Variants in THEMIS observed in about 807,000 individuals in gnomAD.
THEMIS encodes protein THEMIS.
Under a neutral mutation model 52.6 loss-of-function variants are expected in THEMIS, and 37 were observed. The ratio of observed to expected loss-of-function variants is 0.70; its 90% CI spans 0.54 to 0.93. THEMIS has a LOEUF of 0.93. THEMIS is among the 40% of genes least tolerant of loss of function. The pLI, the probability that THEMIS is intolerant of heterozygous loss-of-function variation, is 0.00. For missense variants in THEMIS, 808 were observed against 763.1 expected (o/e 1.06, Z -0.69); for synonymous variants, 292 against 272.7 (o/e 1.07, Z -0.70).
At chr6:127,755,829 C>G (rs570766051) in intron 4 of THEMIS, among the ~76,000 whole-genome samples, 1 of 152,120 alleles carries the variant, frequency 6.6e-6, no homozygotes, top group East Asian at 1.9e-4. Flanking sequence ...GAGTTCAAGA[C>G]CAGCCTGGCC....
At chr6:127,729,812 C>A (rs1313671273) in intron 4 of THEMIS, among the ~76,000 whole-genome samples, 5 of 152,090 alleles carry the variant, frequency 3.3e-5, no homozygotes, top group Non-Finnish European at 7.3e-5. Context: ...GCTGTCACCA[C>A]TGAAAATGAA....
intron 4 of THEMIS, among the ~76,000 whole-genome samples, chr6:127,728,787 G>A (rs1774641605): frequency 6.6e-6 from 1 of 152,070 alleles, no homozygotes; most frequent in Admixed American, 6.6e-5. Flanking sequence ...TACATAGAAT[G>A]AGTTCAATGG....
At chr6:127,714,511 T>C (rs952551626) in intron 5 of THEMIS, among the ~76,000 whole-genome samples, 2 of 151,920 alleles carry the variant, frequency 1.3e-5, no homozygotes, top group Admixed American at 6.6e-5. Flanking sequence ...CCATAGGCCA[T>C]GATGGTTTCC....
intron 1 of THEMIS, among the ~76,000 whole-genome samples, chr6:127,898,414 G>A (rs1399603434): frequency 6.6e-6 from 1 of 151,590 alleles, no homozygotes; most frequent in Non-Finnish European, 1.5e-5. Flanking sequence ...AGAATCAATT[G>A]ATTTAATAAA....
At position 127,711,983 on chromosome 6, in the gene THEMIS, T is replaced by C. The variant is rs564503022; in HGVS notation, c.1895-1967A>G. 4.6e-5 allele frequency among the ~76,000 whole-genome samples: 7 copies of C among 152,036 alleles called. No individual in the cohort carries two copies. The South Asian group carries it at 1.5e-3, about 32-fold the overall frequency. ...ATTATAATAACTGAATCATAGAGAG[T>C]TGAGGAAATACCAAATGAAATAATG... On this transcript the variant is annotated intron_variant, in intron 5 of 5. Transcript: ENST00000368248.
At position 127,900,984 on chromosome 6, in the gene THEMIS, T is replaced by G. The variant is rs1430876905; in HGVS notation, c.-52A>C. 6.9e-7 allele frequency: 1 copy of G among 1,441,218 alleles called. No individual in the cohort carries two copies. The highest frequency in any genetic ancestry group is 9.8e-7 in the Non-Finnish European group (1 of 1,023,508). The allele number at this position is 1,441,218 out of a possible 1,614,324, so 89.3% of individuals were successfully genotyped here. A position where few individuals can be genotyped will look rare whatever the true frequency, so the allele number is the denominator to read the frequency against. On this transcript the variant is annotated 5_prime_UTR_variant, in exon 1 of 6. Coordinates refer to ENST00000368248, the MANE Select transcript of THEMIS (RefSeq NM_001010923.3). ...CTGGTGCTCACAGAAACTTGTGGCT[T>G]CTGGGTGACACTTGTCTGCAATTGC...
chr6:127,743,133 T>A (rs180888471), intron 4 of THEMIS, among the ~76,000 whole-genome samples: 202 of 152,178 alleles, frequency 1.3e-3, no homozygotes, highest in Non-Finnish European at 5.0e-4. Context: ...AGCAACCTAA[T>A]AAGAAATTGG....
chr6:127,868,703 T>C (rs1780061144), intron 1 of THEMIS, among the ~76,000 whole-genome samples: 1 of 152,156 alleles, frequency 6.6e-6, no homozygotes, highest in Admixed American at 6.6e-5. Context: ...TTGAGAGGAA[T>C]GGTTCAGGAG....
In THEMIS at chr6:127,746,727, TTATATAATTATATTA is replaced by T. The variant is rs1212144788; in HGVS notation, c.1759-26919_1759-26905del. On this transcript the variant is annotated intron_variant, in intron 4 of 5. Coordinates refer to ENST00000368248, the MANE Select transcript of THEMIS (RefSeq NM_001010923.3). The stretch of plus-strand genomic sequence containing the variant: ...TGTAGAGATCTATAATTATATATTA[TTATATAATTATATTA>T]TATATAATTATATATTATTATATAA... 7.5e-4 allele frequency among the ~76,000 whole-genome samples: 76 copies of T among 101,912 alleles called. 1 individual carries two copies. The highest frequency in any genetic ancestry group is 1.1e-3 in the Non-Finnish European group (59 of 55,084). The allele number at this position is 101,912 out of a possible 152,430, so 66.9% of individuals were successfully genotyped here.
chr6:127,857,074 T>TAA lies in THEMIS; in HGVS notation c.92-1888_92-1887dup, dbSNP rs11448382. Among the ~76,000 whole-genome samples the TAA allele has an allele frequency of 3.2e-3, 481 of 148,456 alleles. 8 individuals carry two copies. Among genetic ancestry groups the TAA allele is most frequent in the South Asian group, 9.5e-3 (45 of 4,714 alleles). ...GTTCATTCATTCAGCAAACTTTGAT[T>TAA]AAAAAAAAAAACCTACTATGTTGGC... On this transcript the variant is annotated intron_variant, in intron 1 of 5. Coordinates refer to ENST00000368248, the MANE Select transcript of THEMIS (RefSeq NM_001010923.3).
intron 1 of THEMIS, among the ~76,000 whole-genome samples, chr6:127,857,655 T>C (rs574354142): frequency 3.5e-4 from 53 of 152,212 alleles, no homozygotes; most frequent in African/African-American, 1.3e-3. Flanking sequence ...GTGTTTGCTA[T>C]ACAAACCTTG....
chr6:127,906,996 G>C (rs999794480), intron 1 of THEMIS, among the ~76,000 whole-genome samples: 5 of 151,596 alleles, frequency 3.3e-5, no homozygotes, highest in African/African-American at 9.7e-5. Context: ...TTCAGCAGTA[G>C]AGGCTTAAAA....
chr6:127,745,535 G>C (rs1303791892), intron 4 of THEMIS, among the ~76,000 whole-genome samples: 2 of 151,794 alleles, frequency 1.3e-5, no homozygotes, highest in African/African-American at 4.8e-5. Context: ...GTACTGGTCT[G>C]TTGCTATCAA....
chr6:127,878,997 T>C (rs925866935), intron 1 of THEMIS, among the ~76,000 whole-genome samples: 9 of 152,198 alleles, frequency 5.9e-5, no homozygotes, highest in Non-Finnish European at 1.3e-4. Context: ...AAATTAAAAA[T>C]TGTATTCTTG....
At chr6:127,901,843 A>G (rs1781141798), upstream of THEMIS, among the ~76,000 whole-genome samples, 1 of 152,042 alleles carries the variant, frequency 6.6e-6, no homozygotes, top group East Asian at 1.9e-4. Context: ...CAATTCCACA[A>G]TTCTGATCTT....
At chr6:127,805,734 C>T (rs981579909) in intron 4 of THEMIS, among the ~76,000 whole-genome samples, 3 of 151,900 alleles carry the variant, frequency 2.0e-5, no homozygotes, top group East Asian at 1.9e-4. Flanking sequence ...AAAACATCAC[C>T]GAAGATTAAA....
At chr6:127,875,197 AC>A (rs1376903049) in intron 1 of THEMIS, among the ~76,000 whole-genome samples, 1 of 152,254 alleles carries the variant, frequency 6.6e-6, no homozygotes, top group Non-Finnish European at 1.5e-5. Flanking sequence ...AGTAAAAGAT[AC>A]ATGGGATCTC....
At chr6:127,860,103 A>T (rs1779745615) in intron 1 of THEMIS, among the ~76,000 whole-genome samples, 1 of 152,164 alleles carries the variant, frequency 6.6e-6, no homozygotes, top group Non-Finnish European at 1.5e-5. Flanking sequence ...GACCACAGGA[A>T]TGAAGTTCAA....
downstream of THEMIS, among the ~76,000 whole-genome samples, chr6:127,703,332 A>C (rs113458745): frequency 1.0e-3 from 154 of 152,190 alleles, 4 homozygotes; most frequent in East Asian, 4.6e-3. Flanking sequence ...CAGGCGTGAG[A>C]CACCGCGCCC....
Sources: allele counts gnomAD v4.1 joint callset (sites outside exome capture counted in the v4.1 genomes callset), GRCh38; gene constraint gnomAD v4.1.1; transcripts MANE v1.5; gene names NCBI Gene and HGNC (gene_info 2026-07-23, HGNC 2026-07-21).